FAM169A: variants seen among roughly 807,000 people sequenced by gnomAD.
FAM169A encodes family with sequence similarity 169 member A.
Under a neutral mutation model 75.7 loss-of-function variants are expected in FAM169A, and 24 were observed. The ratio of observed to expected loss-of-function variants is 0.32; its 90% CI spans 0.23 to 0.45. The LOEUF (loss-of-function observed/expected upper bound fraction) is 0.45, where lower values mean the gene tolerates loss of function less well. Ranked by LOEUF, FAM169A falls within the 20% of genes least tolerant of loss-of-function variation. The probability of loss-of-function intolerance (pLI) is 1.00; values close to 1 mark genes in which losing one functional copy is unlikely to be tolerated. For synonymous variants in FAM169A, 271 were observed against 271.0 expected, an observed-to-expected ratio of 1.00 and a Z score of 0.00; for missense variants, 673 against 784.0, an observed-to-expected ratio of 0.86 and a Z score of 1.69.
chr5:74,856,909 A>G (rs1749736881), intron 1 of FAM169A, among the ~76,000 whole-genome samples: 1 of 151,584 alleles, frequency 6.6e-6, no homozygotes, highest in Admixed American at 6.6e-5. Flanking sequence ...GGAGATCGAG[A>G]CCATCCTGAC....
intron 3 of FAM169A, among the ~76,000 whole-genome samples, chr5:74,839,406 GC>G (rs1234653156): frequency 6.6e-6 from 1 of 151,936 alleles, no homozygotes; most frequent in African/African-American, 2.4e-5. Flanking sequence ...TCACACACGT[GC>G]GCACACACTC....
intron 1 of FAM169A, among the ~76,000 whole-genome samples, chr5:74,850,835 C>T (rs1749404745): frequency 6.6e-6 from 1 of 152,080 alleles, no homozygotes; most frequent in Non-Finnish European, 1.5e-5. Context: ...AAGCAAAGGT[C>T]ATGAATAGAA....
intron 11 of FAM169A, among the ~76,000 whole-genome samples, chr5:74,783,362 G>A (rs1289235284): frequency 1.3e-5 from 2 of 152,154 alleles, no homozygotes; most frequent in Non-Finnish European, 2.9e-5. Flanking sequence ...CTGCTCTTAA[G>A]GAAAGATGGG....
chr5:74,856,147 G>A (rs764739161), intron 1 of FAM169A, among the ~76,000 whole-genome samples: 5 of 152,172 alleles, frequency 3.3e-5, no homozygotes, highest in African/African-American at 4.8e-5. Flanking sequence ...CTATGTGTCT[G>A]TTTTTACGCT....
intron 11 of FAM169A, among the ~76,000 whole-genome samples, chr5:74,794,789 A>C (rs1746179876): frequency 6.6e-6 from 1 of 151,444 alleles, no homozygotes; most frequent in African/African-American, 2.4e-5. Context: ...AAAAAAAAAA[A>C]AAAAAACAAA....
intron 6 of FAM169A, among the ~76,000 whole-genome samples, chr5:74,810,199 T>G (rs1236719503): frequency 6.6e-6 from 1 of 152,078 alleles, no homozygotes; most frequent in Admixed American, 6.6e-5. Context: ...AAAAATAAGA[T>G]GCCAGACATA....
chr5:74,804,555 C>A lies in FAM169A; in HGVS notation c.850G>T (p.Ala284Ser). Residue 284 changes from alanine (A) to serine (S), a missense_variant, in exon 8 of 13, where the codon GCA (alanine) becomes TCA (serine). Physicochemically the swap from Ala to Ser is moderately conservative, Grantham distance 99. Coordinates refer to ENST00000687041, the MANE Select transcript of FAM169A (RefSeq NM_001376049.1). ...KRPMSGEYGP[A>S]SVPEYEARTE... ...CTTGCTTCGTATTCTGGAACAGATGCAGGACCATATTCTCCAGACATAGGT... is the reference window on the plus strand; with the variant it reads ...CTTGCTTCGTATTCTGGAACAGATGAAGGACCATATTCTCCAGACATAGGT... 1 of 1,612,200 alleles carries A rather than the reference C, an allele frequency of 6.2e-7. No homozygotes were observed. Among genetic ancestry groups the A allele is most frequent in the Non-Finnish European group, 8.5e-7 (1 of 1,178,804 alleles).
At chr5:74,784,607 TA>T (rs70976133) in intron 11 of FAM169A, among the ~76,000 whole-genome samples, 29,920 of 60,644 alleles carry the variant, frequency 0.49, 6,629 homozygotes, top group South Asian at 0.58. Context: ...CAACCCAGGC[TA>T]AAAAAAAAAA....
intron 1 of FAM169A, among the ~76,000 whole-genome samples, chr5:74,846,793 G>A (rs1014503204): frequency 9.2e-5 from 14 of 152,100 alleles, no homozygotes; most frequent in Admixed American, 7.9e-4. Context: ...AAACTCCTGG[G>A]TTCAAGCAAT....
At chr5:74,843,106 A>C (rs1748969268) in intron 1 of FAM169A, among the ~76,000 whole-genome samples, 1 of 152,102 alleles carries the variant, frequency 6.6e-6, no homozygotes, top group Non-Finnish European at 1.5e-5. Context: ...AAGAAAGTAT[A>C]AATAGAGATG....
At position 74,849,346 on chromosome 5, in the gene FAM169A, A is replaced by G. The variant is rs140584473; in HGVS notation, c.-3-7667T>C. 2.2e-3 allele frequency among the ~76,000 whole-genome samples: 328 copies of G among 152,194 alleles called. 1 individual carries two copies. Among genetic ancestry groups the G allele is most frequent in the Middle Eastern group, 6.8e-3 (2 of 294 alleles). ...TATTTATTGTTGATTACTGGATGCCAACTATATTCTGAAAAGATGGGAACA... is the reference window on the plus strand; with the variant it reads ...TATTTATTGTTGATTACTGGATGCCGACTATATTCTGAAAAGATGGGAACA... On this transcript the variant is annotated intron_variant, in intron 1 of 12. Transcript: ENST00000687041.
In FAM169A at chr5:74,856,583, T is replaced by C. The variant is rs181284590; in HGVS notation, c.-4+9582A>G. On this transcript the variant is annotated intron_variant, in intron 1 of 12. Transcript: ENST00000687041. ...CTCCAAAATAGAGCTAGGGGAAAAATAAAATACACTACATTGCACTATAGT... is the reference window on the plus strand; with the variant it reads ...CTCCAAAATAGAGCTAGGGGAAAAACAAAATACACTACATTGCACTATAGT... Among the ~76,000 whole-genome samples, 145 of 152,096 alleles carry C rather than the reference T, an allele frequency of 9.5e-4. 1 individual carries two copies. Among genetic ancestry groups the C allele is most frequent in the African/African-American group, 3.3e-3 (137 of 41,512 alleles).
intron 5 of FAM169A, among the ~76,000 whole-genome samples, chr5:74,825,752 T>C (rs1213991731): frequency 1.3e-5 from 2 of 152,202 alleles, no homozygotes; most frequent in African/African-American, 4.8e-5. Flanking sequence ...GTATTCATGT[T>C]GCTGTTGAGA....
At chr5:74,834,874 G>A (rs934998138) in intron 4 of FAM169A, among the ~76,000 whole-genome samples, 21 of 151,744 alleles carry the variant, frequency 1.4e-4, no homozygotes, top group African/African-American at 4.8e-4. Context: ...TACCAATCCC[G>A]AGCATGTCTT....
At chr5:74,837,694 T>C (rs554634790) in intron 4 of FAM169A, among the ~76,000 whole-genome samples, 11 of 152,264 alleles carry the variant, frequency 7.2e-5, no homozygotes, top group South Asian at 6.2e-4. Flanking sequence ...TTCTGACTGG[T>C]TCAACTGCCC....
rs967733798 is a variant in FAM169A at position 74,778,019 on chromosome 5, TAATATA to T, written c.*3435_*3440del. The stretch of plus-strand genomic sequence containing the variant: ...AGATTTTAGCAGATAATTTTACCAC[TAATATA>T]AATGGGTGATGTGTGGATCACAAGT... On this transcript the variant is annotated 3_prime_UTR_variant, in exon 13 of 13. Transcript: ENST00000687041. 2.0e-5 allele frequency: 3 copies of T among 152,020 alleles called. No individual in the cohort carries two copies. The highest frequency in any genetic ancestry group is 4.8e-5 in the African/African-American group (2 of 41,442). The allele number at this position is 152,020 out of a possible 1,614,324, so 9.4% of individuals were successfully genotyped here.
chr5:74,839,500 CG>C (rs1748745235), intron 3 of FAM169A, among the ~76,000 whole-genome samples: 1 of 151,272 alleles, frequency 6.6e-6, no homozygotes, highest in African/African-American at 2.4e-5. Context: ...CCCAGCCATG[CG>C]GAACTGTGAG....
intron 11 of FAM169A, among the ~76,000 whole-genome samples, chr5:74,794,703 C>T (rs1481952186): frequency 6.8e-6 from 1 of 147,864 alleles, no homozygotes; most frequent in Non-Finnish European, 1.5e-5. Context: ...GGCCTGAACC[C>T]GGGAGGCAGA....
intron 5 of FAM169A, among the ~76,000 whole-genome samples, chr5:74,831,760 G>T (rs1748322108): frequency 6.6e-6 from 1 of 152,080 alleles, no homozygotes; most frequent in African/African-American, 2.4e-5. Flanking sequence ...TGAGGAGTGT[G>T]GTATACGTCA....
Sources: gnomAD v4.1 joint callset for allele counts (sites outside exome capture counted in the v4.1 genomes callset) on GRCh38, gnomAD v4.1.1 for gene constraint, MANE v1.5 for transcripts, NCBI Gene and HGNC (gene_info 2026-07-23, HGNC 2026-07-21) for gene names.